The following NIPAL3 variants were observed in gnomAD, a reference collection of about 807,000 sequenced individuals.
NIPAL3 encodes the protein NIPA like domain containing 3.
NIPAL3 carries 41 observed loss-of-function variants against 47.2 expected under a neutral mutation model. The ratio of observed to expected loss-of-function variants is 0.87; its 90% CI spans 0.68 to 1.13. The LOEUF (loss-of-function observed/expected upper bound fraction) is 1.13, where lower values mean the gene tolerates loss of function less well. Among genes scored for constraint, NIPAL3 ranks in the 50% most tolerant of loss-of-function variants. The pLI, the probability that NIPAL3 is intolerant of heterozygous loss-of-function variation, is 0.00. For synonymous variants in NIPAL3, 194 were observed against 209.6 expected (o/e 0.93, Z 0.64); for missense variants, 449 against 530.1 (o/e 0.85, Z 1.50).
chr1:24,444,210 AG>A (rs1645539700), intron 4 of NIPAL3, among the ~76,000 whole-genome samples: 1 of 152,168 alleles, frequency 6.6e-6, no homozygotes, highest in Admixed American at 6.5e-5. Flanking sequence ...ATATTAGCTT[AG>A]TTATTGAGAT....
rs1646889795 is a variant in NIPAL3, at chr1:24,471,197, C to G, written c.*2012C>G. 6.6e-6 allele frequency: 1 copy of G among 152,176 alleles called. No homozygotes were observed. Among genetic ancestry groups the G allele is most frequent in the Non-Finnish European group, 1.5e-5 (1 of 68,072 alleles). The allele number at this position is 152,176 out of a possible 1,614,324, so 9.4% of individuals were successfully genotyped here. ...GTGATCACCCCCGAGGCAGAGGGGCCAGCATTTGCAAAGGCACAGAGCTAA... is the reference window on the plus strand; with the variant it reads ...GTGATCACCCCCGAGGCAGAGGGGCGAGCATTTGCAAAGGCACAGAGCTAA... On this transcript the variant is annotated 3_prime_UTR_variant, in exon 12 of 12. Transcript: ENST00000374399.
Position 24,470,406 on chromosome 1 carries a change from T to C in NIPAL3, c.*1221T>C, listed in dbSNP as rs1456124093. 1.3e-5 allele frequency: 2 copies of C among 152,124 alleles called. No homozygotes were observed. The highest frequency in any genetic ancestry group is 2.9e-5 in the Non-Finnish European group (2 of 68,014). The allele number at this position is 152,124 out of a possible 1,614,324, so 9.4% of individuals were successfully genotyped here. A position where few individuals can be genotyped will look rare whatever the true frequency, so the allele number is the denominator to read the frequency against. ...CAGACACTGTTAAGTGGGACTGGAG[T>C]GGGGCCCACGGGTCTGCATTCTTAA... On this transcript the variant is annotated 3_prime_UTR_variant, in exon 12 of 12. Coordinates refer to ENST00000374399, the MANE Select transcript of NIPAL3 (RefSeq NM_020448.5).
intron 2 of NIPAL3, among the ~76,000 whole-genome samples, chr1:24,436,371 T>C (rs1645108015): frequency 6.6e-6 from 1 of 152,162 alleles, no homozygotes; most frequent in Non-Finnish European, 1.5e-5. Flanking sequence ...AAGTTTGGGA[T>C]GTATGAGGCA....
chr1:24,413,608 A>G (rs999248674), upstream of NIPAL3: 7 of 152,274 alleles, frequency 4.6e-5, no homozygotes, highest in African/African-American at 1.4e-4. Flanking sequence ...TGCGGAGGAC[A>G]TGGTGCGCCG....
chr1:24,424,595 G>T (rs1353125614), intron 2 of NIPAL3, among the ~76,000 whole-genome samples: 1 of 152,204 alleles, frequency 6.6e-6, no homozygotes, highest in Non-Finnish European at 1.5e-5. Context: ...ACCCATTTCA[G>T]AGAAGCTGAG....
Position 24,434,818 on chromosome 1 carries a change from T to G in NIPAL3, c.94-5354T>G, listed in dbSNP as rs556685873. 8.5e-5 allele frequency among the ~76,000 whole-genome samples: 13 copies of G among 152,068 alleles called. No individual in the cohort carries two copies. In the South Asian group the frequency reaches 2.7e-3, roughly 32 times the overall value. Reference sequence around the variant, plus strand: ...AAAGTGGGAAATTCACAAACATGTATAAATTTAACAACACGCTCCTAAATA... The same window carrying G: ...AAAGTGGGAAATTCACAAACATGTAGAAATTTAACAACACGCTCCTAAATA... On this transcript the variant is annotated intron_variant, in intron 2 of 11. Coordinates refer to ENST00000374399, the MANE Select transcript of NIPAL3 (RefSeq NM_020448.5).
chr1:24,463,046 T>C (rs1265256765), intron 10 of NIPAL3, among the ~76,000 whole-genome samples: 1 of 151,986 alleles, frequency 6.6e-6, no homozygotes, highest in Admixed American at 6.6e-5. Flanking sequence ...AAAATTAGCC[T>C]GGCATGCTGG....
At chr1:24,452,827 T>C (rs1646002626) in intron 6 of NIPAL3, among the ~76,000 whole-genome samples, 1 of 151,532 alleles carries the variant, frequency 6.6e-6, no homozygotes. Context: ...GCTGGGATTA[T>C]AGGCAGATGC....
intron 4 of NIPAL3, among the ~76,000 whole-genome samples, chr1:24,443,198 T>C (rs1645482181): frequency 6.6e-6 from 1 of 152,168 alleles, no homozygotes; most frequent in Non-Finnish European, 1.5e-5. Context: ...GGAGCTTTAA[T>C]GTTCATGAGA....
chr1:24,465,987 G>T, intron 11 of NIPAL3: 2 of 1,606,678 alleles, frequency 1.2e-6, no homozygotes, highest in South Asian at 1.1e-5. Context: ...TTAGGATCTT[G>T]CCTTTTGTCT....
chr1:24,459,371 T>C (rs1238791806), intron 9 of NIPAL3, among the ~76,000 whole-genome samples: 1 of 152,246 alleles, frequency 6.6e-6, no homozygotes, highest in African/African-American at 2.4e-5. Context: ...TTAGAGATTA[T>C]GAATATGCAT....
upstream of NIPAL3, chr1:24,415,749 C>A: frequency 1.3e-6 from 1 of 779,446 alleles, no homozygotes. Context: ...GGCAGTCTGG[C>A]AAATCAAATC....
In NIPAL3 at chr1:24,454,418, G is replaced by T; in HGVS notation, c.637+914G>T. The T allele has an allele frequency of 9.7e-7, 1 of 1,030,602 alleles. No individual in the cohort carries two copies. Among genetic ancestry groups the T allele is most frequent in the Non-Finnish European group, 1.2e-6 (1 of 857,182 alleles). 63.8% of individuals were successfully genotyped at this position (1,030,602 alleles called of 1,614,324 possible). A position where few individuals can be genotyped will look rare whatever the true frequency, so the allele number is the denominator to read the frequency against. ...ATCCAAGTCACGGAAGGGAGTGGGG[G>T]TTAAATGAGATGTGCACAGGTGGCT... is the stretch of plus-strand genomic sequence containing the variant. On this transcript the variant is annotated intron_variant, in intron 7 of 11. Coordinates refer to ENST00000374399, the MANE Select transcript of NIPAL3 (RefSeq NM_020448.5). This position sits in a 1 kb window ranked among gnomAD's most constrained non-coding sequence, Gnocchi z 4.1.
At chr1:24,418,828 GTTC>G (rs1307826907) in intron 1 of NIPAL3, among the ~76,000 whole-genome samples, 3 of 151,776 alleles carry the variant, frequency 2.0e-5, no homozygotes, top group Admixed American at 6.6e-5. Context: ...TAGCAGGCCA[GTTC>G]TTCTGTTTTC....
intron 8 of NIPAL3, among the ~76,000 whole-genome samples, chr1:24,458,370 T>A (rs1445969518): frequency 2.0e-5 from 3 of 152,240 alleles, no homozygotes; most frequent in Non-Finnish European, 4.4e-5. Flanking sequence ...AGGGTATTGT[T>A]TATCATAGAT....
intron 2 of NIPAL3, among the ~76,000 whole-genome samples, chr1:24,437,109 G>A (rs181133498): frequency 3.6e-4 from 54 of 151,998 alleles, no homozygotes; most frequent in Admixed American, 2.2e-3. Flanking sequence ...AATAATAGCC[G>A]GGCGAGGTGG....
At chr1:24,460,606 CCTCT>C in intron 10 of NIPAL3, 62 bp downstream of exon 10, 24 of 1,363,036 alleles carry the variant, frequency 1.8e-5, no homozygotes, top group Non-Finnish European at 2.4e-5. Context: ...GCAGGTTGCC[CCTCT>C]CTCTCCCTTA....
intron 2 of NIPAL3, among the ~76,000 whole-genome samples, chr1:24,428,250 C>CAA (rs1343199329): frequency 4.4e-5 from 3 of 67,782 alleles, no homozygotes; most frequent in Non-Finnish European, 3.2e-5. Flanking sequence ...GACCCTGTCT[C>CAA]AAAAAGAAAG....
intron 5 of NIPAL3, among the ~76,000 whole-genome samples, chr1:24,447,678 T>C (rs1477765900): frequency 6.6e-6 from 1 of 152,206 alleles, no homozygotes; most frequent in African/African-American, 2.4e-5. Context: ...TTAGGGCTGG[T>C]TCTAAGACCA....
Sources: allele counts gnomAD v4.1 joint callset (sites outside exome capture counted in the v4.1 genomes callset), GRCh38; gene constraint gnomAD v4.1.1; non-coding constraint Gnocchi (gnomAD v3.1); transcripts MANE v1.5; gene names NCBI Gene and HGNC (gene_info 2026-07-23, HGNC 2026-07-21).